Variants in ZFAT observed in about 807,000 individuals in gnomAD.
ZFAT encodes zinc finger protein ZFAT.
A neutral mutation model predicts 117.7 loss-of-function variants in ZFAT; 64 were observed. The ratio of observed to expected loss-of-function variants is 0.54; its 90% CI spans 0.44 to 0.67. The LOEUF is 0.67. Ranked by LOEUF, ZFAT falls within the 30% of genes least tolerant of loss-of-function variation. The pLI, the probability that ZFAT is intolerant of heterozygous loss-of-function variation, is 0.00. For synonymous variants in ZFAT, 679 were observed against 615.0 expected, an observed-to-expected ratio of 1.10 and a Z score of -1.54; for missense variants, 1,433 against 1,584.5, an observed-to-expected ratio of 0.90 and a Z score of 1.62.
At chr8:134,705,598 C>T (rs1048530686) in intron 1 of ZFAT, among the ~76,000 whole-genome samples, 2 of 151,634 alleles carry the variant, frequency 1.3e-5, no homozygotes, top group African/African-American at 2.4e-5. Flanking sequence ...GGTGCAATTT[C>T]AGCTCACTGC....
chr8:134,801,156 C>T, the ZFAT span, among the ~76,000 whole-genome samples: 2 of 152,022 alleles, frequency 1.3e-5, no homozygotes, highest in Admixed American at 1.3e-4. Flanking sequence ...TTAGTCATCT[C>T]TCCTCCCCCT....
At chr8:134,613,356 T>A (rs1367319538) in intron 3 of ZFAT, among the ~76,000 whole-genome samples, 1 of 152,210 alleles carries the variant, frequency 6.6e-6, no homozygotes, top group Non-Finnish European at 1.5e-5. Context: ...TGTGTCTGGA[T>A]AAACCGCGTC....
intron 10 of ZFAT, among the ~76,000 whole-genome samples, chr8:134,574,463 G>T (rs532310407): frequency 1.3e-5 from 2 of 151,866 alleles, no homozygotes; most frequent in African/African-American, 4.8e-5. Context: ...CATCTGCTTG[G>T]TGACTTTCCC....
chr8:134,757,813 T>C, the ZFAT span, among the ~76,000 whole-genome samples: 2 of 152,184 alleles, frequency 1.3e-5, no homozygotes, highest in Non-Finnish European at 1.5e-5. Context: ...CTGGTGATGC[T>C]GGTTTCTCTC....
intron 3 of ZFAT, among the ~76,000 whole-genome samples, chr8:134,627,202 G>A (rs189186146): frequency 1.3e-4 from 20 of 152,198 alleles, no homozygotes; most frequent in Admixed American, 3.3e-4. Flanking sequence ...CTGGGAGTGC[G>A]GGCTTATAGG....
At chr8:134,654,727 A>C (rs1044648031) in intron 2 of ZFAT, among the ~76,000 whole-genome samples, 5 of 152,200 alleles carry the variant, frequency 3.3e-5, no homozygotes, top group African/African-American at 1.2e-4. Context: ...CAAGGCAAGA[A>C]AGCAAGGACA....
At position 134,657,636 on chromosome 8, in the gene ZFAT, T is replaced by G. The variant is rs1831690569; in HGVS notation, c.121A>C (p.Asn41His). 4 of 1,614,008 alleles carry G rather than the reference T, an allele frequency of 2.5e-6. No homozygotes were observed. The highest frequency in any genetic ancestry group is 3.4e-6 in the Non-Finnish European group (4 of 1,180,046). The change falls in exon 2 of 16, where the codon AAT becomes CAT. Residue 41 changes from asparagine to histidine, a missense_variant. Around this residue, in one of 5 missense-constraint regions of ZFAT, gnomAD observed 436 missense variants for 482.0 expected, o/e 0.90. Transcript: ENST00000377838. ...VSEKHMEEGV[N>H]VDEIIIPLRP... Reference sequence around the variant, plus strand: ...AGGGGAATAATAATCTCATCAACATTAACCCCTTCTTCCATGTGCTTCTCT... The same window carrying G: ...AGGGGAATAATAATCTCATCAACATGAACCCCTTCTTCCATGTGCTTCTCT...
At chr8:134,564,326 G>A (rs1351755015) in intron 11 of ZFAT, among the ~76,000 whole-genome samples, 2 of 152,202 alleles carry the variant, frequency 1.3e-5, no homozygotes, top group South Asian at 2.1e-4. Flanking sequence ...ACCTTGCTGT[G>A]GACATATCCC....
intron 2 of ZFAT, among the ~76,000 whole-genome samples, chr8:134,656,308 T>G (rs1259106954): frequency 6.6e-6 from 1 of 152,166 alleles, no homozygotes; most frequent in Admixed American, 6.5e-5. Flanking sequence ...CTGCTTCCTC[T>G]AAATGGGGAG....
At chr8:134,532,733 T>C in intron 12 of ZFAT, 101 bp downstream of exon 12, 2 of 1,438,758 alleles carry the variant, frequency 1.4e-6, no homozygotes, top group Non-Finnish European at 1.9e-6. Flanking sequence ...GGCACATTTA[T>C]GTAGCAGAAC....
At chr8:134,691,390 C>T (rs1833578128) in intron 1 of ZFAT, among the ~76,000 whole-genome samples, 2 of 152,248 alleles carry the variant, frequency 1.3e-5, no homozygotes, top group Non-Finnish European at 2.9e-5. Flanking sequence ...CTGCAGCGGG[C>T]GCCTCCACGG....
intron 13 of ZFAT, among the ~76,000 whole-genome samples, chr8:134,513,994 G>A (rs1022608740): frequency 3.3e-5 from 5 of 152,232 alleles, no homozygotes; most frequent in African/African-American, 1.2e-4. Flanking sequence ...GCCTGAGCCC[G>A]TGAAAGGACA....
intron 15 of ZFAT, among the ~76,000 whole-genome samples, chr8:134,489,058 C>T (rs921080591): frequency 6.6e-6 from 1 of 151,592 alleles, no homozygotes; most frequent in Non-Finnish European, 1.5e-5. Context: ...CTAGAGAGAC[C>T]ATCAGGAACC....
At chr8:134,591,749 G>C (rs1563642976) in intron 7 of ZFAT, among the ~76,000 whole-genome samples, 2 of 152,162 alleles carry the variant, frequency 1.3e-5, no homozygotes, top group South Asian at 2.1e-4. Flanking sequence ...GCAGAGACCA[G>C]AGCAATGCAA....
the ZFAT span, among the ~76,000 whole-genome samples, chr8:134,740,970 T>G: frequency 6.6e-6 from 1 of 152,244 alleles, no homozygotes; most frequent in Non-Finnish European, 1.5e-5. Flanking sequence ...TTAAACTTGA[T>G]GTGCGCCCTT....
At chr8:134,571,198 G>T (rs1390794739) in intron 10 of ZFAT, among the ~76,000 whole-genome samples, 1 of 152,224 alleles carries the variant, frequency 6.6e-6, no homozygotes, top group Non-Finnish European at 1.5e-5. Flanking sequence ...ACTGCAACAC[G>T]CCACGAAGGA....
upstream of ZFAT, among the ~76,000 whole-genome samples, chr8:134,715,034 A>G (rs1395658724): frequency 6.6e-6 from 1 of 152,244 alleles, no homozygotes; most frequent in African/African-American, 2.4e-5. Flanking sequence ...AATATTTACA[A>G]TAATCATTAT....
At chr8:134,570,613 A>T (rs1364135354) in intron 10 of ZFAT, among the ~76,000 whole-genome samples, 1 of 152,140 alleles carries the variant, frequency 6.6e-6, no homozygotes, top group Non-Finnish European at 1.5e-5. Flanking sequence ...CAGTGCTTGG[A>T]GGTGAGAGCA....
intron 11 of ZFAT, among the ~76,000 whole-genome samples, chr8:134,543,804 C>T (rs1264068216): frequency 6.6e-6 from 1 of 152,178 alleles, no homozygotes; most frequent in East Asian, 1.9e-4. Flanking sequence ...TCATTCCAAG[C>T]AATGCATCAA....
Sources: gnomAD v4.1 joint callset for allele counts (sites outside exome capture counted in the v4.1 genomes callset) on GRCh38, gnomAD v4.1.1 for gene constraint, gnomAD v4.1.1 regional missense constraint, MANE v1.5 for transcripts, NCBI Gene and HGNC (gene_info 2026-07-23, HGNC 2026-07-21) for gene names.